Variants in PPP1R9A observed in about 807,000 individuals in gnomAD.
PPP1R9A encodes the protein protein phosphatase 1 regulatory subunit 9A.
In PPP1R9A, 59 loss-of-function variants were observed where a neutral mutation model predicts 141.9. The ratio of observed to expected loss-of-function variants is 0.42; its 90% CI spans 0.34 to 0.52. The LOEUF is 0.52. Ranked by LOEUF, PPP1R9A falls within the 20% of genes least tolerant of loss-of-function variation. The pLI is 0.10. For missense variants in PPP1R9A, 1,444 were observed against 1,611.9 expected (o/e 0.90, Z 1.78); for synonymous variants, 500 against 569.7 (o/e 0.88, Z 1.74).
chr7:94,908,118 C>A (rs1467770754), intron 1 of PPP1R9A: 2 of 150,434 alleles, frequency 1.3e-5, no homozygotes, highest in Non-Finnish European at 3.0e-5. Flanking sequence ...CGACCCTCCC[C>A]GCCCGCGGCG....
intron 2 of PPP1R9A, among the ~76,000 whole-genome samples, chr7:95,082,210 A>G (rs2152289738): frequency 6.6e-6 from 1 of 152,326 alleles, no homozygotes; most frequent in Middle Eastern, 3.4e-3. Flanking sequence ...AACGAAAAAT[A>G]GGGCTAACCA....
At chr7:95,282,539 G>T (rs1327875229) in intron 16 of PPP1R9A, among the ~76,000 whole-genome samples, 4 of 152,152 alleles carry the variant, frequency 2.6e-5, no homozygotes, top group African/African-American at 9.7e-5. Flanking sequence ...ACATCCCAAA[G>T]GGTCAGAGCC....
chr7:94,995,751 CCCATTGTGT>C (rs1321572478), intron 2 of PPP1R9A, among the ~76,000 whole-genome samples: 1 of 151,872 alleles, frequency 6.6e-6, no homozygotes, highest in Non-Finnish European at 1.5e-5. Flanking sequence ...AAAATTTGTG[CCCATTGTGT>C]CCATTCTATA....
At chr7:95,013,475 GCAAA>G (rs1000073544) in intron 2 of PPP1R9A, among the ~76,000 whole-genome samples, 1 of 151,934 alleles carries the variant, frequency 6.6e-6, no homozygotes, top group African/African-American at 2.4e-5. Context: ...TCTAGTACTA[GCAAA>G]CAGAGGGTTA....
intron 4 of PPP1R9A, among the ~76,000 whole-genome samples, chr7:95,148,655 C>G (rs868499688): frequency 1.4e-5 from 2 of 148,092 alleles, no homozygotes; most frequent in Non-Finnish European, 3.0e-5. Context: ...GCCAGCCTGG[C>G]CAATATGGTA....
chr7:95,048,044 T>C (rs1380744258), intron 2 of PPP1R9A, among the ~76,000 whole-genome samples: 1 of 152,212 alleles, frequency 6.6e-6, no homozygotes, highest in Admixed American at 6.5e-5. Context: ...GTTAACAGAA[T>C]AAGAAAACTT....
intron 5 of PPP1R9A, among the ~76,000 whole-genome samples, chr7:95,163,128 G>T (rs1830678811): frequency 1.3e-5 from 2 of 152,170 alleles, no homozygotes; most frequent in African/African-American, 4.8e-5. Context: ...AGACTTTAAA[G>T]TAAATTTTAA....
chr7:95,119,603 C>T (rs1249841319), intron 3 of PPP1R9A, among the ~76,000 whole-genome samples: 1 of 151,962 alleles, frequency 6.6e-6, no homozygotes, highest in Non-Finnish European at 1.5e-5. Flanking sequence ...ACAGGTGTGC[C>T]CCACCATGCC....
chr7:95,081,184 C>T (rs1479443081), intron 2 of PPP1R9A, among the ~76,000 whole-genome samples: 1 of 151,938 alleles, frequency 6.6e-6, no homozygotes, highest in Admixed American at 6.6e-5. Context: ...TTTGTAGAAA[C>T]ACAAAAATAG....
chr7:95,194,521 A>C (rs933242591), intron 5 of PPP1R9A, among the ~76,000 whole-genome samples: 2 of 152,178 alleles, frequency 1.3e-5, no homozygotes, highest in Admixed American at 1.3e-4. Flanking sequence ...GGAAGAAGTA[A>C]AATATGTATT....
intron 8 of PPP1R9A, among the ~76,000 whole-genome samples, chr7:95,238,204 A>T (rs576270815): frequency 9.8e-5 from 15 of 152,290 alleles, no homozygotes; most frequent in Non-Finnish European, 1.8e-4. Flanking sequence ...TTACAAAATA[A>T]TTAGTTCCAG....
intron 5 of PPP1R9A, among the ~76,000 whole-genome samples, chr7:95,189,380 C>T (rs1835126402): frequency 6.8e-6 from 1 of 147,202 alleles, no homozygotes; most frequent in Admixed American, 6.8e-5. Context: ...ACCAGTTATT[C>T]TTAGGTTTGG....
chr7:95,242,555 G>A (rs758085357), intron 8 of PPP1R9A, among the ~76,000 whole-genome samples: 11 of 151,922 alleles, frequency 7.2e-5, no homozygotes, highest in African/African-American at 1.4e-4. Context: ...GGATTATATC[G>A]ATCCGGTAAT....
At position 95,130,439 on chromosome 7, in the gene PPP1R9A, G is replaced by A. The variant is rs572179725; in HGVS notation, c.1649+9607G>A. ...CCAGATGCCCAGGCAGAAGTTTGCTGCAGGGGTGGGGCTCTCATGGAGAAT... is the reference window on the plus strand; with the variant it reads ...CCAGATGCCCAGGCAGAAGTTTGCTACAGGGGTGGGGCTCTCATGGAGAAT... On this transcript the variant is annotated intron_variant, in intron 4 of 19. Coordinates refer to ENST00000433360, the MANE Select transcript of PPP1R9A (RefSeq NM_001166160.2). Among the ~76,000 whole-genome samples the A allele has an allele frequency of 3.9e-4, 60 of 152,324 alleles. 1 individual carries two copies. The highest frequency in any genetic ancestry group is 1.4e-3 in the African/African-American group (59 of 41,582).
intron 4 of PPP1R9A, among the ~76,000 whole-genome samples, chr7:95,150,930 T>C (rs1828551871): frequency 6.6e-6 from 1 of 152,232 alleles, no homozygotes; most frequent in African/African-American, 2.4e-5. Flanking sequence ...TATCATGTTA[T>C]GAGAGAATTG....
chr7:95,134,372 G>A (rs568986677), intron 4 of PPP1R9A, among the ~76,000 whole-genome samples: 1 of 152,118 alleles, frequency 6.6e-6, no homozygotes, highest in African/African-American at 2.4e-5. Context: ...AATGCATGCT[G>A]GGCTTAAAAC....
At position 94,910,681 on chromosome 7, in the gene PPP1R9A, A is replaced by G; in HGVS notation, c.568A>G (p.Ser190Gly). Residue 190 changes from serine (S) to glycine (G), a missense_variant, in exon 2 of 20, where the codon AGC (serine) becomes GGC (glycine). Ser to Gly is a moderately conservative substitution (Grantham distance 56). Around this residue, in one of 5 missense-constraint regions of PPP1R9A, gnomAD observed 490 missense variants for 521.1 expected, o/e 0.94. Coordinates refer to ENST00000433360, the MANE Select transcript of PPP1R9A (RefSeq NM_001166160.2). This position sits in a 1 kb window ranked among gnomAD's most constrained non-coding sequence, Gnocchi z 4.5. Reference sequence around the variant, plus strand: ...CAGAGGCAGTACTGATTCCTTGGACAGCCTTAGCTCCCGAACTGAGGCTGT... The same window carrying G: ...CAGAGGCAGTACTGATTCCTTGGACGGCCTTAGCTCCCGAACTGAGGCTGT... ...SNRGSTDSLD[S>G]LSSRTEAVSP... 6.2e-7 allele frequency: 1 copy of G among 1,614,198 alleles called. No homozygotes were observed. The highest frequency in any genetic ancestry group is 8.5e-7 in the Non-Finnish European group (1 of 1,180,028).
At chr7:95,061,139 AG>A (rs1242853376) in intron 2 of PPP1R9A, among the ~76,000 whole-genome samples, 1 of 152,188 alleles carries the variant, frequency 6.6e-6, no homozygotes, top group African/African-American at 2.4e-5. Flanking sequence ...TTGTGTTATA[AG>A]GGGACTCCTA....
chr7:95,244,602 T>C (rs1797869632), intron 8 of PPP1R9A, among the ~76,000 whole-genome samples: 1 of 152,100 alleles, frequency 6.6e-6, no homozygotes, highest in South Asian at 2.1e-4. Context: ...CTACGAGGAG[T>C]TAATAAAATC....
Sources: gnomAD v4.1 joint callset for allele counts (sites outside exome capture counted in the v4.1 genomes callset) on GRCh38, gnomAD v4.1.1 for gene constraint, gnomAD v4.1.1 regional missense constraint, Gnocchi (gnomAD v3.1) non-coding constraint, MANE v1.5 for transcripts, NCBI Gene and HGNC (gene_info 2026-07-23, HGNC 2026-07-21) for gene names.